SORL1: variants seen among roughly 807,000 people sequenced by gnomAD.
SORL1 encodes sortilin-related receptor.
In SORL1, 127 loss-of-function variants were observed where a neutral mutation model predicts 273.7. The ratio of observed to expected loss-of-function variants is 0.46; its 90% CI spans 0.40 to 0.54. The LOEUF (loss-of-function observed/expected upper bound fraction) is 0.54. Ranked by LOEUF, SORL1 falls within the 20% of genes least tolerant of loss-of-function variation. The pLI is 0.00. For synonymous variants in SORL1, 1,031 were observed against 1,067.4 expected, an observed-to-expected ratio of 0.97 and a Z score of 0.66; for missense variants, 2,494 against 2,846.1, an observed-to-expected ratio of 0.88 and a Z score of 2.81.
chr11:121,518,678 CAT>C (rs1861989169), intron 8 of SORL1, among the ~76,000 whole-genome samples: 1 of 152,190 alleles, frequency 6.6e-6, no homozygotes, highest in South Asian at 2.1e-4. Flanking sequence ...AAGGAAACCA[CAT>C]GTCAGAGAAT....
chr11:121,452,743 G>GC lies in SORL1; in HGVS notation c.285+127_285+128insC, dbSNP rs1860825611. The stretch of plus-strand genomic sequence containing the variant: ...ACTGGGGACTTCCCGGCTTGCATTT[G>GC]TTTTTTTCCTTCACGAGTACAACCG... On this transcript the variant is annotated intron_variant, in intron 1 of 47. Coordinates refer to ENST00000260197, the MANE Select transcript of SORL1 (RefSeq NM_003105.6). This position sits in a 1 kb window ranked among gnomAD's most constrained non-coding sequence, Gnocchi z 5.3. The GC allele has an allele frequency of 2.4e-6, 2 of 820,610 alleles. No individual in the cohort carries two copies. Among genetic ancestry groups the GC allele is most frequent in the South Asian group, 2.4e-5 (1 of 42,044 alleles). The allele number at this position is 820,610 out of a possible 1,614,324, so 50.8% of individuals were successfully genotyped here.
chr11:121,486,647 T>G (rs1449892062), intron 3 of SORL1, among the ~76,000 whole-genome samples: 2 of 151,880 alleles, frequency 1.3e-5, no homozygotes, highest in African/African-American at 4.8e-5. Context: ...GCCCGGCTAA[T>G]TTTTCGTATT....
intron 11 of SORL1, among the ~76,000 whole-genome samples, chr11:121,527,088 T>C (rs1338375070): frequency 6.6e-6 from 1 of 152,132 alleles, no homozygotes; most frequent in Non-Finnish European, 1.5e-5. Flanking sequence ...TCTTGCCTTG[T>C]TCTCTCTCTG....
chr11:121,569,012 G>A (rs1862795538), intron 22 of SORL1, among the ~76,000 whole-genome samples: 1 of 152,106 alleles, frequency 6.6e-6, no homozygotes, highest in African/African-American at 2.4e-5. Context: ...AGAAGAACGT[G>A]GATTGTGAAG....
intron 2 of SORL1, among the ~76,000 whole-genome samples, chr11:121,473,978 T>C (rs1371166837): frequency 6.6e-6 from 1 of 152,140 alleles, no homozygotes; most frequent in East Asian, 1.9e-4. Flanking sequence ...CCTAGAGCAG[T>C]GTGACATCAT....
At chr11:121,477,386 A>C (rs1226895016) in intron 2 of SORL1, among the ~76,000 whole-genome samples, 1 of 152,222 alleles carries the variant, frequency 6.6e-6, no homozygotes, top group Non-Finnish European at 1.5e-5. Flanking sequence ...CGTTTTGGGC[A>C]CCATTCAACA....
At chr11:121,496,766 C>A in intron 5 of SORL1, 103 bp from the exon 6 acceptor site, 1 of 893,940 alleles carries the variant, frequency 1.1e-6, no homozygotes, top group Non-Finnish European at 1.7e-6. Context: ...TGGGTCACAC[C>A]ATGGTAGGCC....
intron 41 of SORL1, 60 bp from the exon 42 acceptor site, chr11:121,618,714 A>C (rs981215710): frequency 2.5e-6 from 4 of 1,605,834 alleles, no homozygotes; most frequent in Non-Finnish European, 2.6e-6. Flanking sequence ...TGGGGATTTC[A>C]AGGAAATGAG....
rs140547658 is a variant in SORL1, at chr11:121,463,074, C to T, written c.286-6933C>T. ...GTAGGGCAAGTCCTGGCTTGGGGTG[C>T]GCTCTCTTGAGGGGGTATTTGCTGT... is the stretch of plus-strand genomic sequence containing the variant. On this transcript the variant is annotated intron_variant, in intron 1 of 47. Transcript: ENST00000260197. Among the ~76,000 whole-genome samples, 11 of 152,048 alleles carry T rather than the reference C, an allele frequency of 7.2e-5. No homozygotes were observed. The South Asian group carries it at 8.3e-4, about 11-fold the overall frequency.
chr11:121,577,581 A>G (rs1473043994), intron 25 of SORL1, among the ~76,000 whole-genome samples, 181 bp downstream of exon 25: 2 of 152,220 alleles, frequency 1.3e-5, no homozygotes, highest in South Asian at 2.1e-4. Context: ...CCAGAATGTA[A>G]ATCAACACCC....
intron 21 of SORL1, among the ~76,000 whole-genome samples, chr11:121,565,451 A>G (rs1340598295): frequency 1.3e-5 from 2 of 152,200 alleles, no homozygotes; most frequent in Non-Finnish European, 2.9e-5. Flanking sequence ...CCATATCGAC[A>G]CTGATTATCA....
intron 16 of SORL1, among the ~76,000 whole-genome samples, chr11:121,552,492 T>C (rs1031091267): frequency 5.9e-5 from 9 of 152,220 alleles, no homozygotes; most frequent in African/African-American, 2.2e-4. Flanking sequence ...GGTTTATAGA[T>C]GCTGGAGAGA....
rs1555086900 is a variant in SORL1, at chr11:121,605,584, G to A, written c.4948+13G>A. 1 of 1,607,276 alleles carries A rather than the reference G, an allele frequency of 6.2e-7. No individual in the cohort carries two copies. The highest frequency in any genetic ancestry group is 8.5e-7 in the Non-Finnish European group (1 of 1,174,584). On this transcript the variant is annotated intron_variant, in intron 35 of 47. Transcript: ENST00000260197. ...ACCCCAGAGGGATGTAAGTGTTTCAGTTAATTTTTATGGCATGGGTAAGAC... is the reference window on the plus strand; with the variant it reads ...ACCCCAGAGGGATGTAAGTGTTTCAATTAATTTTTATGGCATGGGTAAGAC...
Position 121,586,255 on chromosome 11 carries a change from G to C in SORL1, c.3740G>C (p.Gly1247Ala), listed in dbSNP as rs577695792. The C allele has an allele frequency of 2.5e-6, 4 of 1,613,976 alleles. No individual in the cohort carries two copies. In the Admixed American group the frequency reaches 6.7e-5, roughly 27 times the overall value. ...KKCNGFRCPN[G>A]TCIPSSKHCD... ...TGCAATGGATTCCGCTGCCCAAACG[G>C]CACTTGCATCCCATCCAGCAAACAT... The change falls in exon 27 of 48, where the codon GGC becomes GCC. Residue 1247 changes from glycine to alanine, a missense_variant. This residue lies in a region of SORL1 where 1,609 missense variants were observed against 1,816.4 expected (regional missense o/e 0.89). Transcript: ENST00000260197.
intron 12 of SORL1, among the ~76,000 whole-genome samples, chr11:121,538,934 C>T (rs1438727682): frequency 6.6e-6 from 1 of 152,212 alleles, no homozygotes; most frequent in East Asian, 1.9e-4. Context: ...GCCTCAGCCT[C>T]CCAAAGTGCT....
intron 22 of SORL1, among the ~76,000 whole-genome samples, chr11:121,568,604 G>C (rs1469869566): frequency 2.0e-5 from 3 of 151,390 alleles, no homozygotes; most frequent in African/African-American, 7.4e-5. Flanking sequence ...TCATTTGCTT[G>C]ATAGATAGAA....
intron 2 of SORL1, among the ~76,000 whole-genome samples, chr11:121,475,191 C>T (rs1467401790): frequency 1.3e-5 from 2 of 152,086 alleles, no homozygotes; most frequent in South Asian, 2.1e-4. Context: ...TGCTTGACCC[C>T]GGGAGGTCAA....
In SORL1 at chr11:121,595,549, C is replaced by A; in HGVS notation, c.4370-74C>A. The A allele has an allele frequency of 7.8e-7, 1 of 1,285,032 alleles. No homozygotes were observed. The highest frequency in any genetic ancestry group is 1.5e-5 in the African/African-American group (1 of 67,886). 79.6% of individuals were successfully genotyped at this position (1,285,032 alleles called of 1,614,324 possible). A position where few individuals can be genotyped will look rare whatever the true frequency, so the allele number is the denominator to read the frequency against. On this transcript the variant is annotated intron_variant, in intron 31 of 47. Coordinates refer to ENST00000260197, the MANE Select transcript of SORL1 (RefSeq NM_003105.6). The surrounding 1 kb of genome is among the most constrained non-coding windows in gnomAD (Gnocchi z 5.1). ...TTTCTAAAGCACCGTAATCTCCTAG[C>A]ATATTGATTGGTTGCTGTTATTGGC...
intron 8 of SORL1, among the ~76,000 whole-genome samples, chr11:121,518,980 G>T (rs542464489): frequency 7.7e-5 from 11 of 142,440 alleles, no homozygotes; most frequent in Non-Finnish European, 1.4e-4. Context: ...TTGGAGTCTC[G>T]CTCTGTCACC....
Sources: gnomAD v4.1 joint callset for allele counts (sites outside exome capture counted in the v4.1 genomes callset) on GRCh38, gnomAD v4.1.1 for gene constraint, gnomAD v4.1.1 regional missense constraint, Gnocchi (gnomAD v3.1) non-coding constraint, MANE v1.5 for transcripts, NCBI Gene and HGNC (gene_info 2026-07-23, HGNC 2026-07-21) for gene names.